The following GRID2 variants were observed in gnomAD, a reference collection of about 807,000 sequenced individuals.
The protein encoded by GRID2 is glutamate receptor ionotropic, delta-2.
Under a neutral mutation model 114.8 loss-of-function variants are expected in GRID2, and 33 were observed. That is an observed-to-expected ratio of 0.29 (90% confidence interval 0.22 to 0.38). GRID2 has a LOEUF of 0.38. GRID2 is among the 10% of genes least tolerant of loss of function. The probability of loss-of-function intolerance (pLI) is 1.00; values close to 1 mark genes in which losing one functional copy is unlikely to be tolerated. For synonymous variants in GRID2, 505 were observed against 449.9 expected, an observed-to-expected ratio of 1.12 and a Z score of -1.55; for missense variants, 1,184 against 1,257.7, an observed-to-expected ratio of 0.94 and a Z score of 0.89.
At position 92,304,462 on chromosome 4, in the gene GRID2, C is replaced by T; in HGVS notation, c.-195C>T. The T allele has an allele frequency of 1.7e-6, 1 of 605,900 alleles. No individual in the cohort carries two copies. The highest frequency in any genetic ancestry group is 2.9e-6 in the Non-Finnish European group (1 of 343,282). 37.5% of individuals were successfully genotyped at this position (605,900 alleles called of 1,614,324 possible). ...TGACACGGCTTTGCGAAGGAGGTTT[C>T]CTCAGGCTGGGCTCTTTCTGTCATT... On this transcript the variant is annotated 5_prime_UTR_variant, in exon 1 of 16. Coordinates refer to ENST00000282020, the MANE Select transcript of GRID2 (RefSeq NM_001510.4).
chr4:93,685,213 C>T (rs1725966893), intron 14 of GRID2, among the ~76,000 whole-genome samples: 2 of 152,006 alleles, frequency 1.3e-5, no homozygotes, highest in Admixed American at 1.3e-4. Flanking sequence ...GTGTCTGTAC[C>T]AAGTAGTGAG....
intron 2 of GRID2, among the ~76,000 whole-genome samples, chr4:92,762,383 C>T (rs1738060419): frequency 6.6e-6 from 1 of 151,714 alleles, no homozygotes; most frequent in Non-Finnish European, 1.5e-5. Flanking sequence ...CAAATGAATA[C>T]TCCTTTAAAT....
At chr4:93,265,774 G>A (rs189354825) in intron 8 of GRID2, among the ~76,000 whole-genome samples, 99 of 152,274 alleles carry the variant, frequency 6.5e-4, no homozygotes, top group Non-Finnish European at 1.1e-3. Context: ...TTTACAAAGC[G>A]AAAATCTTAA....
chr4:92,384,618 A>ATATTATATAT (rs1560599220), intron 1 of GRID2, among the ~76,000 whole-genome samples: 1,339 of 56,958 alleles, frequency 0.024, 95 homozygotes, highest in South Asian at 0.041. Context: ...AATATATGTT[A>ATATTATATAT]TATATTATAT....
chr4:93,129,422 A>C (rs1433045619), intron 4 of GRID2, among the ~76,000 whole-genome samples: 2 of 152,088 alleles, frequency 1.3e-5, no homozygotes, highest in Non-Finnish European at 2.9e-5. Context: ...CAGGTCTTTC[A>C]GAATCTAGCA....
intron 14 of GRID2, among the ~76,000 whole-genome samples, chr4:93,732,581 A>T (rs1730576740): frequency 6.6e-6 from 1 of 151,860 alleles, no homozygotes; most frequent in Non-Finnish European, 1.5e-5. Context: ...TTATTGTTGA[A>T]TTTTTTTTAA....
intron 13 of GRID2, among the ~76,000 whole-genome samples, chr4:93,600,219 T>C (rs1219522772): frequency 6.6e-6 from 1 of 152,100 alleles, no homozygotes; most frequent in Non-Finnish European, 1.5e-5. Flanking sequence ...CTTGATACAT[T>C]GGATTTTACA....
Position 92,587,954 on chromosome 4 carries a change from C to T in GRID2, c.89-2177C>T, listed in dbSNP as rs191822994. 1.2e-4 allele frequency among the ~76,000 whole-genome samples: 19 copies of T among 152,306 alleles called. 2 individuals carry two copies. The East Asian group carries it at 3.7e-3, about 29-fold the overall frequency. On this transcript the variant is annotated intron_variant, in intron 1 of 15. Coordinates refer to ENST00000282020, the MANE Select transcript of GRID2 (RefSeq NM_001510.4). ...ATTTAGAACCCACGACAACTTGAAA[C>T]ATCTTTGTATAAACACACATTACTA...
At chr4:93,310,053 G>A (rs912693801) in intron 8 of GRID2, among the ~76,000 whole-genome samples, 5 of 152,034 alleles carry the variant, frequency 3.3e-5, no homozygotes, top group African/African-American at 9.7e-5. Flanking sequence ...CACTAGAAGG[G>A]GGTAATGAGA....
At chr4:92,687,828 C>T (rs1372157782) in intron 2 of GRID2, among the ~76,000 whole-genome samples, 1 of 151,606 alleles carries the variant, frequency 6.6e-6, no homozygotes, top group Non-Finnish European at 1.5e-5. Context: ...GACTCCCTCT[C>T]AAAAAAATAA....
chr4:93,290,647 G>A (rs908247813), intron 8 of GRID2, among the ~76,000 whole-genome samples: 4 of 151,874 alleles, frequency 2.6e-5, no homozygotes, highest in African/African-American at 4.8e-5. Context: ...AATATTATGT[G>A]TTTTTATCTG....
chr4:92,728,454 T>C (rs1055085208), intron 2 of GRID2, among the ~76,000 whole-genome samples: 1 of 152,040 alleles, frequency 6.6e-6, no homozygotes, highest in African/African-American at 2.4e-5. Flanking sequence ...CTCAAGTGAT[T>C]GTTGACAATC....
At position 93,772,514 on chromosome 4, in the gene GRID2, C is replaced by T. The variant is rs764975133; in HGVS notation, c.*16C>T. ...CTCCATATGAGCATCAAACAAATCT[C>T]TTCACTGTTTCTTTTTTAGGACTCC... On this transcript the variant is annotated 3_prime_UTR_variant, in exon 16 of 16. Transcript: ENST00000282020. The T allele has an allele frequency of 3.9e-6, 6 of 1,533,464 alleles. No individual in the cohort carries two copies. The Admixed American group carries it at 1.2e-4, about 31-fold the overall frequency. The allele number at this position is 1,533,464 out of a possible 1,614,324, so 95.0% of individuals were successfully genotyped here.
At chr4:93,089,576 GT>G (rs145830979) in intron 3 of GRID2, among the ~76,000 whole-genome samples, 63 of 152,220 alleles carry the variant, frequency 4.1e-4, no homozygotes, top group African/African-American at 1.4e-3. Flanking sequence ...CTCAAACTTT[GT>G]TTACCTGCCT....
At chr4:93,674,713 C>A (rs1213270468) in intron 14 of GRID2, among the ~76,000 whole-genome samples, 3 of 151,562 alleles carry the variant, frequency 2.0e-5, no homozygotes, top group African/African-American at 4.8e-5. Flanking sequence ...AGAGAAAAAT[C>A]CAAATAATAT....
At chr4:93,252,329 A>AT (rs56056248) in intron 8 of GRID2, among the ~76,000 whole-genome samples, 15,629 of 119,690 alleles carry the variant, frequency 0.13, 2,791 homozygotes, top group African/African-American at 0.39. Context: ...GGAATCCTTC[A>AT]TTTTTTTTTT....
chr4:93,614,332 C>T (rs1232072518), intron 13 of GRID2, among the ~76,000 whole-genome samples: 1 of 152,130 alleles, frequency 6.6e-6, no homozygotes, highest in Non-Finnish European at 1.5e-5. Flanking sequence ...ATCTTGGCTC[C>T]TCCCCCCTGA....
intron 8 of GRID2, among the ~76,000 whole-genome samples, chr4:93,287,574 A>T (rs796515382): frequency 8.7e-4 from 132 of 152,334 alleles, no homozygotes; most frequent in African/African-American, 3.0e-3. Flanking sequence ...GAAAAATTAT[A>T]CTGAATTTAG....
intron 13 of GRID2, among the ~76,000 whole-genome samples, chr4:93,554,581 T>C (rs576745756): frequency 6.6e-6 from 1 of 152,116 alleles, no homozygotes; most frequent in Non-Finnish European, 1.5e-5. Context: ...TATCATTTCT[T>C]TGGTACAAAC....
Sources: allele counts gnomAD v4.1 joint callset (sites outside exome capture counted in the v4.1 genomes callset), GRCh38; gene constraint gnomAD v4.1.1; transcripts MANE v1.5; gene names NCBI Gene and HGNC (gene_info 2026-07-23, HGNC 2026-07-21).